RASAL2: variants seen among roughly 807,000 people sequenced by gnomAD.
RASAL2 encodes the protein RAS protein activator like 2, also known as ras GTPase-activating protein nGAP.
RASAL2 carries 58 observed loss-of-function variants against 128.9 expected under a neutral mutation model. The ratio of observed to expected loss-of-function variants is 0.45; its 90% CI spans 0.36 to 0.56. RASAL2 has a LOEUF of 0.56. Among genes scored for constraint, RASAL2 ranks in the 20% least tolerant of loss-of-function variants. The pLI is 0.00. For missense variants in RASAL2, 1,360 were observed against 1,601.6 expected, an observed-to-expected ratio of 0.85 and a Z score of 2.57; for synonymous variants, 561 against 580.8, an observed-to-expected ratio of 0.97 and a Z score of 0.49.
chr1:178,306,684 C>T (rs1038534699), intron 3 of RASAL2, among the ~76,000 whole-genome samples: 3 of 151,904 alleles, frequency 2.0e-5, no homozygotes, highest in East Asian at 1.9e-4. Context: ...TTTTTGGCTG[C>T]GTAAGTGTCT....
At chr1:178,200,697 T>TA (rs1363503713) in intron 1 of RASAL2, among the ~76,000 whole-genome samples, 1 of 152,178 alleles carries the variant, frequency 6.6e-6, no homozygotes, top group East Asian at 1.9e-4. Context: ...TGTCTACTAT[T>TA]AAAGTGAGGG....
chr1:178,349,018 C>T (rs915738018), intron 3 of RASAL2, among the ~76,000 whole-genome samples: 1 of 150,794 alleles, frequency 6.6e-6, no homozygotes, highest in African/African-American at 2.4e-5. Context: ...CCAGGATGAT[C>T]TTGATCTCCT....
chr1:178,112,297 A>T (rs541989764), intron 1 of RASAL2, among the ~76,000 whole-genome samples: 2 of 152,232 alleles, frequency 1.3e-5, no homozygotes, highest in South Asian at 4.2e-4. Context: ...CATGCCTGTA[A>T]TCCTAGCACT....
At position 178,476,049 on chromosome 1, in the gene RASAL2, A is replaced by G. The variant is rs1648648397; in HGVS notation, c.*2810A>G. ...TCTTAATTGGCTTTCCCTCAGTTCA[A>G]GTAGGTAAATAACTTTGTTTGCTGG... is the stretch of plus-strand genomic sequence containing the variant. On this transcript the variant is annotated 3_prime_UTR_variant, in exon 18 of 18. Transcript: ENST00000367649. The G allele has an allele frequency of 6.6e-6, 1 of 152,204 alleles. No homozygotes were observed. The highest frequency in any genetic ancestry group is 2.1e-4 in the South Asian group (1 of 4,834). The allele number at this position is 152,204 out of a possible 1,614,324, so 9.4% of individuals were successfully genotyped here.
chr1:178,390,082 T>A lies in RASAL2; in HGVS notation c.458-18T>A, dbSNP rs749398586. The A allele has an allele frequency of 7.7e-6, 12 of 1,552,886 alleles. No homozygotes were observed. The highest frequency in any genetic ancestry group is 1.1e-5 in the Non-Finnish European group (12 of 1,138,944). Reference sequence around the variant, plus strand: ...TTGGGGTTCTTAATGATGTTTCAACTTTCCTCCTTTTTTCCAGAGGTACCA... The same window carrying A: ...TTGGGGTTCTTAATGATGTTTCAACATTCCTCCTTTTTTCCAGAGGTACCA... On this transcript the variant is annotated intron_variant, in intron 3 of 17. Transcript: ENST00000367649.
intron 4 of RASAL2, among the ~76,000 whole-genome samples, chr1:178,391,629 AT>A (rs1198287696): frequency 6.6e-6 from 1 of 152,226 alleles, no homozygotes; most frequent in African/African-American, 2.4e-5. Flanking sequence ...TACATTTATA[AT>A]TAATATCACA....
chr1:178,382,816 TTCA>T (rs1185228291), intron 3 of RASAL2, among the ~76,000 whole-genome samples: 1 of 152,218 alleles, frequency 6.6e-6, no homozygotes, highest in Non-Finnish European at 1.5e-5. Flanking sequence ...TTGTTATGTT[TTCA>T]TCATCATCAT....
intron 1 of RASAL2, among the ~76,000 whole-genome samples, chr1:178,112,717 A>C (rs1659375093): frequency 1.5e-5 from 2 of 133,504 alleles, no homozygotes; most frequent in African/African-American, 2.8e-5. Flanking sequence ...TCACATGGAC[A>C]CAGGAAGGGG....
At chr1:178,113,565 T>TGTGTGTGTGTG (rs753877183) in intron 1 of RASAL2, among the ~76,000 whole-genome samples, 1 of 127,196 alleles carries the variant, frequency 7.9e-6, no homozygotes, top group East Asian at 2.4e-4. Flanking sequence ...TGTGTGTGTG[T>TGTGTGTGTGTG]AGAGGCAGAG....
chr1:178,356,278 A>T (rs1670806894), intron 3 of RASAL2, among the ~76,000 whole-genome samples: 1 of 152,088 alleles, frequency 6.6e-6, no homozygotes, highest in Admixed American at 6.5e-5. Context: ...AGCAATGGGA[A>T]CTCCTACATT....
At chr1:178,238,567 TATTC>T (rs542323521) in intron 1 of RASAL2, among the ~76,000 whole-genome samples, 1 of 152,072 alleles carries the variant, frequency 6.6e-6, no homozygotes, top group Non-Finnish European at 1.5e-5. Flanking sequence ...TATATCCGTG[TATTC>T]ATTCAGTAAA....
intron 15 of RASAL2, among the ~76,000 whole-genome samples, chr1:178,465,485 T>C (rs1459245628): frequency 6.6e-6 from 1 of 152,196 alleles, no homozygotes; most frequent in Non-Finnish European, 1.5e-5. Flanking sequence ...CTTTTTCTCT[T>C]ATAGACAACT....
chr1:178,324,338 T>G (rs1254694692), intron 3 of RASAL2, among the ~76,000 whole-genome samples: 1 of 151,944 alleles, frequency 6.6e-6, no homozygotes, highest in Non-Finnish European at 1.5e-5. Flanking sequence ...GAGGATTGCT[T>G]TGGTCCAGGA....
chr1:178,435,145 G>T (rs1676174698), intron 5 of RASAL2, among the ~76,000 whole-genome samples: 1 of 151,974 alleles, frequency 6.6e-6, no homozygotes, highest in Non-Finnish European at 1.5e-5. Context: ...AAGCCAAGCA[G>T]AAACTCACCT....
At chr1:178,449,227 C>G (rs1487012342) in intron 9 of RASAL2, among the ~76,000 whole-genome samples, 2 of 152,148 alleles carry the variant, frequency 1.3e-5, no homozygotes, top group African/African-American at 4.8e-5. Context: ...TGCACAGACT[C>G]TGCATTGTTT....
At chr1:178,173,119 C>G (rs375288469) in intron 1 of RASAL2, among the ~76,000 whole-genome samples, 19 of 152,042 alleles carry the variant, frequency 1.2e-4, no homozygotes, top group East Asian at 9.6e-4. Flanking sequence ...TTTCTCCATC[C>G]CTTCCTCCCC....
In RASAL2 at chr1:178,201,418, A is replaced by G. The variant is rs1662865029; in HGVS notation, c.203-82146A>G. On this transcript the variant is annotated intron_variant, in intron 1 of 17. Transcript: ENST00000367649. The stretch of plus-strand genomic sequence containing the variant: ...GATACTGGAGTGGATTAGTCACTTT[A>G]GACCTACTCATCCCAGCTGGAAGAG... 2.6e-5 allele frequency among the ~76,000 whole-genome samples: 4 copies of G among 152,214 alleles called. No individual in the cohort carries two copies. The South Asian group carries it at 8.3e-4, about 31-fold the overall frequency.
intron 3 of RASAL2, among the ~76,000 whole-genome samples, chr1:178,334,657 A>AT (rs1669500422): frequency 6.6e-6 from 1 of 152,258 alleles, no homozygotes. Flanking sequence ...CTTTTAAAAG[A>AT]TAAAAAAATG....
chr1:178,443,094 C>T lies in RASAL2; in HGVS notation c.1347C>T (p.Tyr449=). The change falls in exon 8 of 18, where the codon TAC becomes TAT. Residue 449 remains tyrosine, a synonymous_variant. Coordinates refer to ENST00000367649, the MANE Select transcript of RASAL2 (RefSeq NM_170692.4). Reference sequence around the variant, plus strand: ...TCACCATTCTGCCTATGGAGCAATACAAAGAATTTGCAGAATTTGTCACCA... The same window carrying T: ...TCACCATTCTGCCTATGGAGCAATATAAAGAATTTGCAGAATTTGTCACCA... ...QTITILPMEQ[Y]KEFAEFVTSN... is the part of the protein sequence containing the mutation. 4.3e-6 allele frequency: 7 copies of T among 1,613,922 alleles called. No homozygotes were observed. Among genetic ancestry groups the T allele is most frequent in the Non-Finnish European group, 5.9e-6 (7 of 1,179,924 alleles).
Sources: allele counts gnomAD v4.1 joint callset (sites outside exome capture counted in the v4.1 genomes callset), GRCh38; gene constraint gnomAD v4.1.1; transcripts MANE v1.5; gene names NCBI Gene and HGNC (gene_info 2026-07-23, HGNC 2026-07-21).